Variants in SULT1B1 observed in about 807,000 individuals in gnomAD.
SULT1B1 encodes sulfotransferase 1B1.
In SULT1B1, 28 loss-of-function variants were observed where a neutral mutation model predicts 34.6. That is an observed-to-expected ratio of 0.81 (90% CI 0.60 to 1.11). SULT1B1 has a LOEUF of 1.11. Ranked by LOEUF, SULT1B1 falls within the 50% of genes least tolerant of loss-of-function variation. The probability of loss-of-function intolerance (pLI) is 0.00; values close to 1 mark genes in which losing one functional copy is unlikely to be tolerated. For synonymous variants in SULT1B1, 147 were observed against 110.2 expected, an observed-to-expected ratio of 1.33 and a Z score of -2.09; for missense variants, 374 against 352.2, an observed-to-expected ratio of 1.06 and a Z score of -0.50.
rs1473683657 is a variant in SULT1B1, at chr4:69,723,760, A to G, written c.*3328T>C. The G allele has an allele frequency of 1.3e-5, 2 of 152,192 alleles. No homozygotes were observed. Among genetic ancestry groups the G allele is most frequent in the African/African-American group, 2.4e-5 (1 of 41,452 alleles). The allele number at this position is 152,192 out of a possible 1,614,324, so 9.4% of individuals were successfully genotyped here. On this transcript the variant is annotated 3_prime_UTR_variant, in exon 8 of 8. Coordinates refer to ENST00000310613, the MANE Select transcript of SULT1B1 (RefSeq NM_014465.4). ...AAATGTAATCCAGCATATAAACAGA[A>G]CCAAAGACAAAAACCACATGATTAT...
At position 69,755,277 on chromosome 4, in the gene SULT1B1, G is replaced by T. The variant is rs902119435; in HGVS notation, c.-44-16C>A. 6.4e-7 allele frequency: 1 copy of T among 1,559,976 alleles called. No individual in the cohort carries two copies. Among genetic ancestry groups the T allele is most frequent in the Non-Finnish European group, 8.8e-7 (1 of 1,140,398 alleles). On this transcript the variant is annotated splice_polypyrimidine_tract_variant and intron_variant, in intron 1 of 7. Coordinates refer to ENST00000310613, the MANE Select transcript of SULT1B1 (RefSeq NM_014465.4). Reference sequence around the variant, plus strand: ...GACAGTTGTTCTGGAGAAATATAGAGAATAAAAATCAGAATCTGAGTAACT... The same window carrying T: ...GACAGTTGTTCTGGAGAAATATAGATAATAAAAATCAGAATCTGAGTAACT...
intron 4 of SULT1B1, 123 bp downstream of exon 4, chr4:69,749,598 G>A (rs1365924654): frequency 1.6e-6 from 1 of 628,110 alleles, no homozygotes; most frequent in Non-Finnish European, 2.8e-6. Flanking sequence ...ACGTGAGTGG[G>A]TATAGTATAG....
At chr4:69,731,593 T>A (rs1460567898) in intron 6 of SULT1B1, among the ~76,000 whole-genome samples, 1 of 152,140 alleles carries the variant, frequency 6.6e-6, no homozygotes, top group Non-Finnish European at 1.5e-5. Context: ...ATTACTGGAC[T>A]TTTTTTCAAA....
At chr4:69,754,631 A>T (rs376110508) in intron 3 of SULT1B1, 39 bp downstream of exon 3, 9 of 1,596,494 alleles carry the variant, frequency 5.6e-6, no homozygotes, top group Non-Finnish European at 7.7e-6. Flanking sequence ...CTGTCTAAAT[A>T]ATATTACAAA....
intron 7 of SULT1B1, among the ~76,000 whole-genome samples, chr4:69,727,493 A>G (rs1286559339): frequency 6.6e-6 from 1 of 152,030 alleles, no homozygotes; most frequent in African/African-American, 2.4e-5. Context: ...ATAGTTTCCC[A>G]AGAGTGATAA....
At chr4:69,748,333 T>G (rs764535268) in intron 4 of SULT1B1, among the ~76,000 whole-genome samples, 11 of 152,192 alleles carry the variant, frequency 7.2e-5, no homozygotes, top group Non-Finnish European at 4.4e-5. Flanking sequence ...AAAGCAATTC[T>G]GAATTCCAAA....
chr4:69,735,012 G>A (rs985702020), intron 4 of SULT1B1, among the ~76,000 whole-genome samples: 2 of 152,020 alleles, frequency 1.3e-5, no homozygotes, highest in Admixed American at 6.5e-5. Flanking sequence ...TAGAGACGGG[G>A]TTTCACCATG....
intron 4 of SULT1B1, among the ~76,000 whole-genome samples, chr4:69,739,385 A>G (rs1352794488): frequency 1.3e-5 from 2 of 152,194 alleles, no homozygotes; most frequent in African/African-American, 4.8e-5. Flanking sequence ...TCTTGACTTC[A>G]GTGCACCCAC....
In SULT1B1 at chr4:69,725,421, T is replaced by C. The variant is rs1307831389; in HGVS notation, c.*1667A>G. 2.0e-5 allele frequency: 3 copies of C among 152,168 alleles called. No homozygotes were observed. Among genetic ancestry groups the C allele is most frequent in the Admixed American group, 2.0e-4 (3 of 15,272 alleles). 9.4% of individuals were successfully genotyped at this position (152,168 alleles called of 1,614,324 possible). A position where few individuals can be genotyped will look rare whatever the true frequency, so the allele number is the denominator to read the frequency against. The stretch of plus-strand genomic sequence containing the variant: ...AATAGGAACACTTTTACACTTTTGG[T>C]GGGAGTGTAAACTAGTTCAACCATT... On this transcript the variant is annotated 3_prime_UTR_variant, in exon 8 of 8. Transcript: ENST00000310613.
intron 2 of SULT1B1, 55 bp downstream of exon 2, chr4:69,755,015 T>A: frequency 6.8e-7 from 1 of 1,465,712 alleles, no homozygotes; most frequent in South Asian, 1.2e-5. Context: ...ACAAGTTGAT[T>A]TCCAGGAAAC....
At chr4:69,754,948 A>G (rs1560531855) in intron 2 of SULT1B1, 122 bp downstream of exon 2, 4 of 1,234,552 alleles carry the variant, frequency 3.2e-6, no homozygotes, top group Non-Finnish European at 4.6e-6. Context: ...ATATACTAAA[A>G]TAGATGGCTG....
intron 4 of SULT1B1, 102 bp downstream of exon 4, chr4:69,749,619 G>A (rs984942946): frequency 2.6e-6 from 2 of 776,318 alleles, no homozygotes; most frequent in East Asian, 2.7e-5. Context: ...ATTGTTGCAA[G>A]TATATGGTTA....
chr4:69,749,978 T>C (rs989129797), intron 3 of SULT1B1, among the ~76,000 whole-genome samples, 160 bp from the exon 4 acceptor site: 2 of 152,188 alleles, frequency 1.3e-5, no homozygotes, highest in African/African-American at 2.4e-5. Context: ...AGAGTCAGTA[T>C]TGTGTAACAT....
chr4:69,749,089 A>G (rs1718868819), intron 4 of SULT1B1, among the ~76,000 whole-genome samples: 1 of 152,100 alleles, frequency 6.6e-6, no homozygotes, highest in Non-Finnish European at 1.5e-5. Context: ...TAATAATATC[A>G]ATAAAATTAA....
intron 4 of SULT1B1, among the ~76,000 whole-genome samples, chr4:69,737,634 A>G (rs1303808147): frequency 3.9e-5 from 6 of 152,178 alleles, no homozygotes; most frequent in African/African-American, 1.4e-4. Flanking sequence ...GAAAATGTTG[A>G]CACCATTAGA....
intron 1 of SULT1B1, among the ~76,000 whole-genome samples, chr4:69,757,547 A>G (rs897979373): frequency 6.6e-6 from 1 of 152,126 alleles, no homozygotes; most frequent in African/African-American, 2.4e-5. Context: ...ACAGCCTTGT[A>G]TCTCAAAGCC....
intron 4 of SULT1B1, among the ~76,000 whole-genome samples, chr4:69,739,220 A>C (rs1162125538): frequency 6.6e-6 from 1 of 151,814 alleles, no homozygotes; most frequent in African/African-American, 2.4e-5. Flanking sequence ...CCCAGTAGGG[A>C]CTCTGTGTGG....
At chr4:69,757,829 T>A (rs1419970099) in intron 1 of SULT1B1, among the ~76,000 whole-genome samples, 3 of 152,260 alleles carry the variant, frequency 2.0e-5, no homozygotes, top group Middle Eastern at 3.4e-3. Context: ...AATTTTGCAT[T>A]TTCATACTGT....
At chr4:69,749,663 G>A (rs1718897025) in intron 4 of SULT1B1, 58 bp downstream of exon 4, 3 of 1,207,152 alleles carry the variant, frequency 2.5e-6, no homozygotes, top group African/African-American at 1.5e-5. Flanking sequence ...AATAAACTAT[G>A]TGAGTGGGTA....
Sources: allele counts gnomAD v4.1 joint callset (sites outside exome capture counted in the v4.1 genomes callset), GRCh38; gene constraint gnomAD v4.1.1; transcripts MANE v1.5; gene names NCBI Gene and HGNC (gene_info 2026-07-23, HGNC 2026-07-21).